The following FAM107B variants were observed in gnomAD, a reference collection of about 807,000 sequenced individuals.
The protein encoded by FAM107B is protein FAM107B.
In FAM107B, 21 loss-of-function variants were observed where a neutral mutation model predicts 31.5. The observed-to-expected ratio is 0.67, with a 90% CI of 0.47 to 0.96. The LOEUF (loss-of-function observed/expected upper bound fraction) is 0.96, where lower values mean the gene tolerates loss of function less well. Ranked by LOEUF, FAM107B falls within the 40% of genes least tolerant of loss-of-function variation. FAM107B has a pLI of 0.00. For missense variants in FAM107B, 452 were observed against 377.1 expected (o/e 1.20, Z -1.64); for synonymous variants, 157 against 141.5 (o/e 1.11, Z -0.78).
intron 1 of FAM107B, among the ~76,000 whole-genome samples, chr10:14,681,341 T>A (rs982347441): frequency 2.6e-5 from 4 of 152,118 alleles, no homozygotes; most frequent in Non-Finnish European, 4.4e-5. Context: ...TCAGACAATA[T>A]CATCAGGGCC....
chr10:14,641,458 G>A (rs1044623976), intron 2 of FAM107B, among the ~76,000 whole-genome samples: 1 of 152,156 alleles, frequency 6.6e-6, no homozygotes, highest in African/African-American at 2.4e-5. Context: ...CCCATAGTCT[G>A]GGTGGCTTAA....
chr10:14,537,865 A>C (rs906248114), intron 2 of FAM107B, among the ~76,000 whole-genome samples: 1 of 151,520 alleles, frequency 6.6e-6, no homozygotes, highest in Non-Finnish European at 1.5e-5. Context: ...GAAATGCACC[A>C]AACGCAATGC....
intron 2 of FAM107B, among the ~76,000 whole-genome samples, chr10:14,606,838 T>C (rs1852605003): frequency 6.6e-6 from 1 of 152,210 alleles, no homozygotes; most frequent in African/African-American, 2.4e-5. Flanking sequence ...CCAACCCTAC[T>C]GCCATCTTGA....
chr10:14,690,129 T>C (rs1268928775), intron 1 of FAM107B, among the ~76,000 whole-genome samples: 2 of 152,156 alleles, frequency 1.3e-5, no homozygotes, highest in Non-Finnish European at 2.9e-5. Context: ...TGCCTGTTGA[T>C]TGATCACACC....
chr10:14,638,206 C>A (rs1259568201), intron 2 of FAM107B, among the ~76,000 whole-genome samples: 1 of 151,816 alleles, frequency 6.6e-6, no homozygotes, highest in Non-Finnish European at 1.5e-5. Context: ...GTTTTTGGTC[C>A]CTGGGAATTT....
intron 1 of FAM107B, among the ~76,000 whole-genome samples, chr10:14,745,429 T>C (rs890629165): frequency 6.6e-6 from 1 of 152,190 alleles, no homozygotes; most frequent in African/African-American, 2.4e-5. Flanking sequence ...CTTTTTGATG[T>C]AGGCATTTAG....
chr10:14,523,969 C>T (rs1167615793), intron 3 of FAM107B, among the ~76,000 whole-genome samples: 1 of 150,974 alleles, frequency 6.6e-6, no homozygotes, highest in African/African-American at 2.4e-5. Flanking sequence ...TGGGCCCCAG[C>T]GATCCTCCCA....
At chr10:14,572,057 A>T in intron 2 of FAM107B, 1 of 985,222 alleles carries the variant, frequency 1.0e-6, no homozygotes, top group Non-Finnish European at 1.2e-6. Flanking sequence ...AACCATCCCC[A>T]CAAAGAACTC....
chr10:14,652,465 T>TGA (rs1296116397), intron 2 of FAM107B, among the ~76,000 whole-genome samples: 4 of 152,240 alleles, frequency 2.6e-5, no homozygotes, highest in Non-Finnish European at 5.9e-5. Context: ...AGGCCTGGAC[T>TGA]GAGTCCTGGC....
intron 2 of FAM107B, among the ~76,000 whole-genome samples, chr10:14,576,009 T>C (rs1042707357): frequency 8.5e-5 from 13 of 152,200 alleles, no homozygotes; most frequent in African/African-American, 2.9e-4. Flanking sequence ...ACAAGTACTG[T>C]ACGATTCCAT....
intron 2 of FAM107B, among the ~76,000 whole-genome samples, chr10:14,551,662 T>C (rs990841706): frequency 6.8e-6 from 1 of 147,876 alleles, no homozygotes; most frequent in African/African-American, 2.5e-5. Context: ...ATAAACCTTA[T>C]TTTCCACTTA....
At chr10:14,523,896 T>C (rs1364609837) in intron 3 of FAM107B, among the ~76,000 whole-genome samples, 1 of 149,938 alleles carries the variant, frequency 6.7e-6, no homozygotes, top group Non-Finnish European at 1.5e-5. Context: ...TGAGACAGGC[T>C]CTCTCTGTTG....
chr10:14,572,736 A>ATTATATATAT (rs1455058375), intron 2 of FAM107B, among the ~76,000 whole-genome samples: 10 of 86,484 alleles, frequency 1.2e-4, no homozygotes, highest in African/African-American at 4.0e-4. Flanking sequence ...AAAAAAAAAA[A>ATTATATATAT]ATTTATATAT....
intron 2 of FAM107B, among the ~76,000 whole-genome samples, chr10:14,659,557 A>G (rs1202006839): frequency 6.6e-6 from 1 of 152,202 alleles, no homozygotes; most frequent in Non-Finnish European, 1.5e-5. Context: ...TCACCTTCCT[A>G]CCTCAACTGT....
intron 2 of FAM107B, among the ~76,000 whole-genome samples, chr10:14,532,223 C>T (rs990938969): frequency 6.6e-6 from 1 of 152,144 alleles, no homozygotes; most frequent in Non-Finnish European, 1.5e-5. Context: ...TTGTATCCTT[C>T]CAGGCCTTTC....
chr10:14,703,927 A>AT (rs1855461433), intron 1 of FAM107B, among the ~76,000 whole-genome samples: 1 of 152,226 alleles, frequency 6.6e-6, no homozygotes, highest in Admixed American at 6.5e-5. Context: ...AGGCGTGATG[A>AT]TTTAAGAGCA....
At position 14,721,211 on chromosome 10, in the gene FAM107B, A is replaced by G. The variant is rs1299330913; in HGVS notation, c.411+53042T>C. 3.9e-5 allele frequency among the ~76,000 whole-genome samples: 6 copies of G among 152,296 alleles called. No individual in the cohort carries two copies. In the East Asian group the frequency reaches 1.2e-3, roughly 29 times the overall value. On this transcript the variant is annotated intron_variant, in intron 1 of 4. Transcript: ENST00000181796. ...ATGGCTGCATAGTATTCCATGGTGTATATGTGCCACATTTTTTTTAATCCA... is the reference window on the plus strand; with the variant it reads ...ATGGCTGCATAGTATTCCATGGTGTGTATGTGCCACATTTTTTTTAATCCA...
At chr10:14,715,695 C>G (rs1027833950) in intron 1 of FAM107B, among the ~76,000 whole-genome samples, 8 of 152,198 alleles carry the variant, frequency 5.3e-5, no homozygotes, top group African/African-American at 1.7e-4. Context: ...TTGACTCGCT[C>G]TTCTTGAGCT....
intron 2 of FAM107B, among the ~76,000 whole-genome samples, chr10:14,595,778 A>G (rs1852169847): frequency 6.6e-6 from 1 of 152,120 alleles, no homozygotes; most frequent in African/African-American, 2.4e-5. Context: ...CAATGGCACC[A>G]TCTTTCACCC....
Sources: gnomAD v4.1 joint callset for allele counts (sites outside exome capture counted in the v4.1 genomes callset) on GRCh38, gnomAD v4.1.1 for gene constraint, MANE v1.5 for transcripts, NCBI Gene and HGNC (gene_info 2026-07-23, HGNC 2026-07-21) for gene names.